Variants in TMEM260 observed in about 807,000 individuals in gnomAD.
The protein encoded by TMEM260 is protein O-mannosyl-transferase TMEM260.
In TMEM260, 82 loss-of-function variants were observed where a neutral mutation model predicts 88.9. That is an observed-to-expected ratio of 0.92 (90% CI 0.77 to 1.11). The LOEUF (loss-of-function observed/expected upper bound fraction) is 1.11. TMEM260 is among the 50% of genes least tolerant of loss of function. TMEM260 has a pLI of 0.00. For synonymous variants in TMEM260, 314 were observed against 309.3 expected (o/e 1.02, Z -0.16); for missense variants, 902 against 853.4 (o/e 1.06, Z -0.71).
At chr14:56,610,419 T>C (rs1410842520) in intron 6 of TMEM260, among the ~76,000 whole-genome samples, 1 of 151,990 alleles carries the variant, frequency 6.6e-6, no homozygotes, top group Non-Finnish European at 1.5e-5. Flanking sequence ...TTTTTTTGTA[T>C]TTTTAGTAGA....
intron 3 of TMEM260, among the ~76,000 whole-genome samples, chr14:56,592,029 A>G (rs1187498415): frequency 6.6e-6 from 1 of 151,906 alleles, no homozygotes; most frequent in Non-Finnish European, 1.5e-5. Flanking sequence ...TTTTACTCTA[A>G]TTTTATGTAG....
rs763162226 is a variant in TMEM260 at position 56,633,093 on chromosome 14, C to T, written c.1646C>T (p.Pro549Leu). 4 of 1,613,810 alleles carry T rather than the reference C, an allele frequency of 2.5e-6. No homozygotes were observed. Among genetic ancestry groups the T allele is most frequent in the Non-Finnish European group, 3.4e-6 (4 of 1,179,880 alleles). The change falls in exon 13 of 16, where the codon CCT becomes CTT. Residue 549 changes from proline (P) to leucine (L), a missense_variant. By Grantham distance (98) the Pro-to-Leu change is moderately conservative. Transcript: ENST00000261556. The stretch of plus-strand genomic sequence containing the variant: ...TGGGGGTCTTGTGACAAATTAGTTC[C>T]TTTGGAGATTGTATTCAACCCTGAG... Reference protein sequence around the residue: ...WPWGSCDKLVPLEIVFNPEEW... With the variant: ...WPWGSCDKLVLLEIVFNPEEW...
chr14:56,608,374 A>C (rs760956691), intron 5 of TMEM260, among the ~76,000 whole-genome samples: 7 of 152,224 alleles, frequency 4.6e-5, no homozygotes, highest in Non-Finnish European at 7.3e-5. Flanking sequence ...GAATTGATTG[A>C]ATATATCAGA....
chr14:56,661,087 G>T, the TMEM260 span, among the ~76,000 whole-genome samples: 5 of 152,204 alleles, frequency 3.3e-5, no homozygotes, highest in African/African-American at 1.2e-4. Context: ...AAAGAAAAAG[G>T]CACCAGCCTC....
chr14:56,662,412 C>T, the TMEM260 span, among the ~76,000 whole-genome samples: 6 of 152,270 alleles, frequency 3.9e-5, no homozygotes, highest in Non-Finnish European at 8.8e-5. Flanking sequence ...AACAGAACTG[C>T]GGCCTTTCGC....
chr14:56,608,707 A>G (rs1369933615), intron 5 of TMEM260, among the ~76,000 whole-genome samples: 1 of 151,880 alleles, frequency 6.6e-6, no homozygotes, highest in Non-Finnish European at 1.5e-5. Context: ...GATGATGACA[A>G]AGTGAATTGG....
the TMEM260 span, among the ~76,000 whole-genome samples, chr14:56,662,811 T>C: frequency 6.6e-6 from 1 of 152,242 alleles, no homozygotes. Flanking sequence ...GTCCAGCCTC[T>C]GCAGTACACA....
At chr14:56,600,224 G>A (rs1006365804) in intron 3 of TMEM260, among the ~76,000 whole-genome samples, 17 of 152,168 alleles carry the variant, frequency 1.1e-4, no homozygotes, top group Admixed American at 1.1e-3. Context: ...TATATCCTAT[G>A]TATGGACGTA....
chr14:56,596,794 A>AAAATAT lies in TMEM260; in HGVS notation c.345-7020_345-7019insAATATA, dbSNP rs59623466. On this transcript the variant is annotated intron_variant, in intron 3 of 15. Transcript: ENST00000261556. ...AAAAAAAAAAAAAATTAAAAAAAAA[A>AAAATAT]ATATATATATATACACACACACACC... 5.8e-3 allele frequency among the ~76,000 whole-genome samples: 792 copies of AAAATAT among 136,274 alleles called. 16 individuals carry two copies. The highest frequency in any genetic ancestry group is 0.021 in the African/African-American group (751 of 35,894). The allele number at this position is 136,274 out of a possible 152,430, so 89.4% of individuals were successfully genotyped here.
chr14:56,633,732 A>G (rs1888805164), intron 13 of TMEM260, among the ~76,000 whole-genome samples: 1 of 152,156 alleles, frequency 6.6e-6, no homozygotes, highest in South Asian at 2.1e-4. Flanking sequence ...TGTTTCCTAA[A>G]TAGAAAATGA....
rs1888915984 is a variant in TMEM260, at chr14:56,634,885, T to C, written c.1725-14T>C. The C allele has an allele frequency of 5.6e-6, 9 of 1,609,710 alleles. No individual in the cohort carries two copies. Among genetic ancestry groups the C allele is most frequent in the Non-Finnish European group, 6.8e-6 (8 of 1,178,656 alleles). On this transcript the variant is annotated splice_polypyrimidine_tract_variant and intron_variant, in intron 13 of 15. Transcript: ENST00000261556. ...GGGTGACAGAAAGATATTACTGTTT[T>C]CTTGTAACTACAGGTTTGATCCATC...
At chr14:56,590,582 T>G (rs1885791356) in intron 3 of TMEM260, among the ~76,000 whole-genome samples, 1 of 152,244 alleles carries the variant, frequency 6.6e-6, no homozygotes, top group African/African-American at 2.4e-5. Flanking sequence ...AGTCATAGAC[T>G]TTCTTGATTT....
intron 3 of TMEM260, among the ~76,000 whole-genome samples, chr14:56,586,195 G>T (rs1885489914): frequency 6.6e-6 from 1 of 152,082 alleles, no homozygotes; most frequent in Non-Finnish European, 1.5e-5. Context: ...ATGCAGATGG[G>T]CCAGTTTAAT....
intron 15 of TMEM260, among the ~76,000 whole-genome samples, chr14:56,646,880 A>T (rs376497406): frequency 5.9e-5 from 9 of 151,974 alleles, no homozygotes; most frequent in Admixed American, 2.0e-4. Flanking sequence ...CCAACAGCTA[A>T]ATTTAGAGTT....
intron 15 of TMEM260, among the ~76,000 whole-genome samples, chr14:56,642,160 A>G (rs963545245): frequency 7.2e-5 from 11 of 152,108 alleles, no homozygotes; most frequent in Non-Finnish European, 1.0e-4. Flanking sequence ...AAGCGGACCT[A>G]ATAGAGATCT....
At chr14:56,629,899 G>A (rs1216951702) in intron 12 of TMEM260, among the ~76,000 whole-genome samples, 1 of 152,104 alleles carries the variant, frequency 6.6e-6, no homozygotes, top group Non-Finnish European at 1.5e-5. Flanking sequence ...AAATTAGCTG[G>A]ACGTGGTGGT....
rs781087599 is a variant in TMEM260, at chr14:56,647,862, A to C, written c.*365A>C. 1.1e-4 allele frequency: 19 copies of C among 169,262 alleles called. No individual in the cohort carries two copies. Among genetic ancestry groups the C allele is most frequent in the Admixed American group, 8.0e-4 (14 of 17,446 alleles). 10.5% of individuals were successfully genotyped at this position (169,262 alleles called of 1,614,324 possible). A position where few individuals can be genotyped will look rare whatever the true frequency, so the allele number is the denominator to read the frequency against. On this transcript the variant is annotated 3_prime_UTR_variant, in exon 16 of 16. Transcript: ENST00000261556. ...TGTAAGGGCCATGCTTATTGGGATCAGTTTTAAAGTTAAATTCTTTTGATA... is the reference window on the plus strand; with the variant it reads ...TGTAAGGGCCATGCTTATTGGGATCCGTTTTAAAGTTAAATTCTTTTGATA...
At chr14:56,654,356 A>G (rs1437136092), downstream of TMEM260, among the ~76,000 whole-genome samples, 3 of 152,290 alleles carry the variant, frequency 2.0e-5, no homozygotes, top group East Asian at 3.9e-4. Context: ...ACTAGTTTAT[A>G]TATTTCTTAC....
chr14:56,644,814 C>T (rs1384812787), intron 15 of TMEM260, among the ~76,000 whole-genome samples: 1 of 152,086 alleles, frequency 6.6e-6, no homozygotes, highest in Non-Finnish European at 1.5e-5. Flanking sequence ...AAAAAAACAA[C>T]CCCATCAACA....
Sources: allele counts gnomAD v4.1 joint callset (sites outside exome capture counted in the v4.1 genomes callset), GRCh38; gene constraint gnomAD v4.1.1; transcripts MANE v1.5; gene names NCBI Gene and HGNC (gene_info 2026-07-23, HGNC 2026-07-21).